The following TRAK1 variants were observed in gnomAD, a reference collection of about 807,000 sequenced individuals.
TRAK1 encodes trafficking kinesin-binding protein 1.
A neutral mutation model predicts 92.1 loss-of-function variants in TRAK1; 33 were observed. That is an observed-to-expected ratio of 0.36 (90% confidence interval 0.27 to 0.48). The LOEUF is 0.48. Ranked by LOEUF, TRAK1 falls within the 20% of genes least tolerant of loss-of-function variation. The pLI is 0.99. For synonymous variants in TRAK1, 521 were observed against 517.3 expected, an observed-to-expected ratio of 1.01 and a Z score of -0.10; for missense variants, 1,123 against 1,257.9, an observed-to-expected ratio of 0.89 and a Z score of 1.62.
At chr3:42,150,810 C>T (rs889519564) in intron 2 of TRAK1, among the ~76,000 whole-genome samples, 1 of 152,154 alleles carries the variant, frequency 6.6e-6, no homozygotes, top group African/African-American at 2.4e-5. Context: ...TTGTCATGTT[C>T]GTTCTGTGTA....
upstream of TRAK1, chr3:42,013,736 A>G (rs1701399333): frequency 6.8e-6 from 1 of 146,576 alleles, no homozygotes; most frequent in Non-Finnish European, 1.5e-5. This position sits in a 1 kb window ranked among gnomAD's most constrained non-coding sequence, Gnocchi z 5.1. Context: ...CCCGGGGCCC[A>G]CCCGGCCGCC....
rs1553719246 is a variant in TRAK1, at chr3:42,109,966, C to CG, written c.92-15447dup. On this transcript the variant is annotated intron_variant, in intron 1 of 15. Transcript: ENST00000327628. ...GGGGCCTGTCATGGGGTAGGGGTGG[C>CG]GGGGGGGATGGCATTAGGAGATATA... is the stretch of plus-strand genomic sequence containing the variant. Among the ~76,000 whole-genome samples, 6 of 149,036 alleles carry CG rather than the reference C, an allele frequency of 4.0e-5. No homozygotes were observed. The South Asian group carries it at 6.4e-4, about 16-fold the overall frequency.
intron 1 of TRAK1, 85 bp from the exon 2 acceptor site, chr3:42,125,335 C>T: frequency 1.6e-6 from 2 of 1,264,350 alleles, no homozygotes; most frequent in South Asian, 1.5e-5. Context: ...ACCGAAGATA[C>T]CTGCCGCAGG....
intron 2 of TRAK1, among the ~76,000 whole-genome samples, chr3:42,176,095 A>G (rs1249438899): frequency 2.0e-5 from 3 of 152,114 alleles, no homozygotes; most frequent in African/African-American, 7.2e-5. Flanking sequence ...CATTTCTCCA[A>G]CGGAAGAAGA....
intron 1 of TRAK1, among the ~76,000 whole-genome samples, chr3:42,044,494 GGT>G (rs1482470938): frequency 6.6e-6 from 1 of 152,146 alleles, no homozygotes; most frequent in Non-Finnish European, 1.5e-5. Context: ...TTTGAATATT[GGT>G]TGTGTTAAAT....
chr3:42,172,950 A>T (rs1460888387), intron 2 of TRAK1, among the ~76,000 whole-genome samples: 3 of 152,196 alleles, frequency 2.0e-5, no homozygotes, highest in Non-Finnish European at 2.9e-5. Context: ...GTTCGAGACC[A>T]GCCTGGCCAA....
At chr3:42,175,244 G>C (rs1444717113) in intron 2 of TRAK1, among the ~76,000 whole-genome samples, 2 of 152,154 alleles carry the variant, frequency 1.3e-5, no homozygotes, top group Non-Finnish European at 2.9e-5. Context: ...CTGGCTGGGG[G>C]GCCCCAGGGT....
intron 1 of TRAK1, among the ~76,000 whole-genome samples, chr3:42,064,303 A>G (rs1703580121): frequency 6.6e-6 from 1 of 152,154 alleles, no homozygotes; most frequent in African/African-American, 2.4e-5. Context: ...GTCTCTACCA[A>G]AAATACAAAA....
intron 9 of TRAK1, among the ~76,000 whole-genome samples, chr3:42,194,112 A>G (rs1706226192): frequency 6.6e-6 from 1 of 152,210 alleles, no homozygotes; most frequent in Admixed American, 6.5e-5. Flanking sequence ...AGGGCTCTAC[A>G]CCAGCTGAGC....
chr3:42,217,393 A>G (rs1250997186), intron 14 of TRAK1: 2 of 985,150 alleles, frequency 2.0e-6, no homozygotes, highest in African/African-American at 3.5e-5. Context: ...ACGGCTATTC[A>G]TTGCTTCTGG....
rs552919761 is a variant in TRAK1 at position 42,180,332 on chromosome 3, CA to C, written c.363+3443del. On this transcript the variant is annotated intron_variant, in intron 3 of 15. Transcript: ENST00000327628. ...GGCATATGCTGCATAATAATCACAT[CA>C]GGGTAAATAGGGTATCAGGCTGAGC... is the stretch of plus-strand genomic sequence containing the variant. Among the ~76,000 whole-genome samples, 243 of 152,098 alleles carry C rather than the reference CA, an allele frequency of 1.6e-3. 1 individual carries two copies. Among genetic ancestry groups the C allele is most frequent in the African/African-American group, 5.6e-3 (234 of 41,490 alleles).
Position 42,176,849 on chromosome 3 carries a change from A to T in TRAK1, c.322A>T (p.Thr108Ser). 5 of 1,614,132 alleles carry T rather than the reference A, an allele frequency of 3.1e-6. No homozygotes were observed. The highest frequency in any genetic ancestry group is 4.2e-6 in the Non-Finnish European group (5 of 1,179,990). The change falls in exon 3 of 16, where the codon ACA becomes TCA. Residue 108 changes from threonine to serine, a missense_variant. Coordinates refer to ENST00000327628, the MANE Select transcript of TRAK1 (RefSeq NM_001042646.3). ...TGAAAGAGTTGGCCAGATGACTAAG[A>T]CATATAATGACATAGATGCTGTCAC... ...CAERVGQMTK[T>S]YNDIDAVTRL... is the part of the protein sequence containing the mutation.
At chr3:42,209,144 T>A (rs1028604712) in intron 13 of TRAK1, among the ~76,000 whole-genome samples, 2 of 152,186 alleles carry the variant, frequency 1.3e-5, no homozygotes, top group African/African-American at 4.8e-5. Flanking sequence ...TTAACCCAAT[T>A]CCTTCTCCCT....
intron 2 of TRAK1, among the ~76,000 whole-genome samples, chr3:42,169,671 C>CAA (rs10710580): frequency 1.4e-5 from 2 of 139,892 alleles, no homozygotes; most frequent in African/African-American, 2.6e-5. Context: ...AACTCCATCT[C>CAA]AAAAAAAAAA....
At chr3:42,106,472 T>C (rs1337424373) in intron 1 of TRAK1, among the ~76,000 whole-genome samples, 1 of 152,012 alleles carries the variant, frequency 6.6e-6, no homozygotes, top group Non-Finnish European at 1.5e-5. Flanking sequence ...ACAAGAAGAG[T>C]TTGAGACCAG....
intron 1 of TRAK1, among the ~76,000 whole-genome samples, chr3:42,123,627 A>G (rs540628267): frequency 6.6e-6 from 1 of 152,360 alleles, no homozygotes; most frequent in Non-Finnish European, 1.5e-5. Context: ...GTGTTTAGGA[A>G]TACCTCATAC....
At chr3:42,021,587 AT>A (rs1442279675) in intron 1 of TRAK1, among the ~76,000 whole-genome samples, 1 of 151,956 alleles carries the variant, frequency 6.6e-6, no homozygotes, top group Non-Finnish European at 1.5e-5. Context: ...TACAGTTATT[AT>A]TTTTTTGAAA....
chr3:42,045,301 G>A (rs1267170068), intron 1 of TRAK1, among the ~76,000 whole-genome samples: 1 of 152,158 alleles, frequency 6.6e-6, no homozygotes, highest in African/African-American at 2.4e-5. Context: ...TTGGGAGGCT[G>A]AGGTGGGCAG....
chr3:42,223,165 CGGGG>C lies in TRAK1; in HGVS notation c.2291_2294del (p.Arg764ProfsTer13). The C allele has an allele frequency of 6.2e-7, 1 of 1,614,012 alleles. No individual in the cohort carries two copies. Among genetic ancestry groups the C allele is most frequent in the Non-Finnish European group, 8.5e-7 (1 of 1,179,994 alleles). ...CCCCCAGAGCTGGGACAGGGCCGGC[CGGGG>C]CTCCCTCCTGCACTCCTACACGCCC... On this transcript the variant is annotated frameshift_variant, in exon 16 of 16. Coordinates refer to ENST00000327628, the MANE Select transcript of TRAK1 (RefSeq NM_001042646.3). LOFTEE classifies it high-confidence loss of function. The surrounding 1 kb of genome is among the most constrained non-coding windows in gnomAD (Gnocchi z 6.1).
Sources: allele counts gnomAD v4.1 joint callset (sites outside exome capture counted in the v4.1 genomes callset), GRCh38; gene constraint gnomAD v4.1.1; non-coding constraint Gnocchi (gnomAD v3.1); transcripts MANE v1.5; gene names NCBI Gene and HGNC (gene_info 2026-07-23, HGNC 2026-07-21).